Variants in SERINC2 observed in about 807,000 individuals in gnomAD.
SERINC2 encodes the protein serine incorporator 2, also known as tumor differentially expressed protein 2.
SERINC2 carries 56 observed loss-of-function variants against 54.2 expected under a neutral mutation model. That is an observed-to-expected ratio of 1.03 (90% confidence interval 0.83 to 1.29). SERINC2 has a LOEUF of 1.29. Ranked by LOEUF, SERINC2 falls within the 50% of genes most tolerant of loss-of-function variation. The pLI, the probability that SERINC2 is intolerant of heterozygous loss-of-function variation, is 0.00. For synonymous variants in SERINC2, 272 were observed against 253.1 expected, an observed-to-expected ratio of 1.07 and a Z score of -0.71; for missense variants, 614 against 607.4, an observed-to-expected ratio of 1.01 and a Z score of -0.12.
chr1:31,431,822 A>ATAGGGTGGATAGGATGGT (rs1557499924), intron 8 of SERINC2, among the ~76,000 whole-genome samples: 1 of 112,440 alleles, frequency 8.9e-6, no homozygotes. Context: ...GACAGGGTGG[A>ATAGGGTGGATAGGATGGT]TAGGGTGGAT....
chr1:31,424,788 G>T lies in SERINC2; in HGVS notation c.307G>T (p.Ala103Ser). Residue 103 changes from alanine to serine, a missense_variant, in exon 3 of 10, where the codon GCC (alanine) becomes TCC (serine). Physicochemically the swap from Ala to Ser is moderately conservative, Grantham distance 99. Transcript: ENST00000373709. ...CCGCGCTGTCTACCGCATGTGCTTC[G>T]CCACGGCGGCCTTCTTCTTCTTTTT... is the stretch of plus-strand genomic sequence containing the variant. Reference protein sequence around the residue: ...GYRAVYRMCFATAAFFFFFTL... With the variant: ...GYRAVYRMCFSTAAFFFFFTL... 3 of 1,612,076 alleles carry T rather than the reference G, an allele frequency of 1.9e-6. No homozygotes were observed. Among genetic ancestry groups the T allele is most frequent in the Non-Finnish European group, 2.5e-6 (3 of 1,179,418 alleles).
At chr1:31,414,737 A>G (rs1481973144) in intron 1 of SERINC2, 1 of 985,316 alleles carries the variant, frequency 1.0e-6, no homozygotes, top group Non-Finnish European at 1.2e-6. Flanking sequence ...TGAGGGAGGC[A>G]GAGCTTCCAC....
Position 31,424,699 on chromosome 1 carries a change from A to T in SERINC2, c.218A>T (p.Glu73Val). 1 of 1,601,190 alleles carries T rather than the reference A, an allele frequency of 6.2e-7. No homozygotes were observed. The highest frequency in any genetic ancestry group is 8.5e-7 in the Non-Finnish European group (1 of 1,174,076). Reference sequence around the variant, plus strand: ...TCTCCACAGCTGCCCTGGGTGTGTGAGGAGGGGGCCGGGATCCCCACCGTC... The same window carrying T: ...TCTCCACAGCTGCCCTGGGTGTGTGTGGAGGGGGCCGGGATCCCCACCGTC... ...SQLYKLPWVC[E>V]EGAGIPTVLQ... The change falls in exon 3 of 10, where the codon GAG becomes GTG. Residue 73 changes from glutamate to valine, a missense_variant. Transcript: ENST00000373709.
At chr1:31,433,302 G>A in intron 9 of SERINC2, 117 bp downstream of exon 9, 1 of 854,562 alleles carries the variant, frequency 1.2e-6, no homozygotes, top group Non-Finnish European at 1.9e-6. Context: ...GGGGGTGGCG[G>A]TGTGTATCAA....
Position 31,413,699 on chromosome 1 carries a change from G to T in SERINC2, c.39+395G>T. 3 of 1,203,132 alleles carry T rather than the reference G, an allele frequency of 2.5e-6. No individual in the cohort carries two copies. Among genetic ancestry groups the T allele is most frequent in the Non-Finnish European group, 2.1e-6 (2 of 944,710 alleles). The allele number at this position is 1,203,132 out of a possible 1,614,324, so 74.5% of individuals were successfully genotyped here. A position where few individuals can be genotyped will look rare whatever the true frequency, so the allele number is the denominator to read the frequency against. On this transcript the variant is annotated intron_variant, in intron 1 of 9. Transcript: ENST00000373709. This position sits in a 1 kb window ranked among gnomAD's most constrained non-coding sequence, Gnocchi z 5.0. ...CCTCTGTCCCCGTCCCGGACGCCCT[G>T]GTTCTCTGTGTAGGTCGCCCGGGCC...
At chr1:31,412,787 C>T (rs543465210), upstream of SERINC2, among the ~76,000 whole-genome samples, 1 of 152,324 alleles carries the variant, frequency 6.6e-6, no homozygotes, top group South Asian at 2.1e-4. Flanking sequence ...AACTGAGGCT[C>T]ATAGAGGTGC....
chr1:31,414,663 C>T (rs1369029721), intron 1 of SERINC2: 1 of 985,468 alleles, frequency 1.0e-6, no homozygotes, highest in African/African-American at 1.7e-5. Context: ...TGCCTGAAAT[C>T]CCTCCCAGCC....
At chr1:31,432,084 T>C (rs368382149) in intron 8 of SERINC2, among the ~76,000 whole-genome samples, 3,139 of 13,232 alleles carry the variant, frequency 0.24, 151 homozygotes, top group Admixed American at 0.28. Context: ...ACAGGGTGGT[T>C]AGGGTGGACA....
intron 1 of SERINC2, among the ~76,000 whole-genome samples, chr1:31,417,970 C>T (rs1390240978): frequency 3.4e-5 from 5 of 145,274 alleles, no homozygotes; most frequent in African/African-American, 1.3e-4. Context: ...AATTCTCTTG[C>T]CTCAGCCTCC....
At chr1:31,414,442 TGTGTGTGTGTGTGA>T in intron 1 of SERINC2, 1 of 981,442 alleles carries the variant, frequency 1.0e-6, no homozygotes, top group Non-Finnish European at 1.2e-6. Flanking sequence ...TGTGTGTGTG[TGTGTGTGTGTGTGA>T]GAGAGAGAGA....
chr1:31,417,832 G>C (rs1640815165), intron 1 of SERINC2, among the ~76,000 whole-genome samples: 1 of 146,332 alleles, frequency 6.8e-6, no homozygotes. Context: ...CCATGTTATA[G>C]CATGTGTCAA....
intron 9 of SERINC2, among the ~76,000 whole-genome samples, chr1:31,433,652 G>C (rs782229631): frequency 5.3e-5 from 8 of 152,178 alleles, no homozygotes; most frequent in Non-Finnish European, 1.2e-4. Flanking sequence ...ATAAAGCCAG[G>C]ATTGAAGTGG....
chr1:31,410,242 T>C (rs1640625071), upstream of SERINC2: 4 of 1,475,008 alleles, frequency 2.7e-6, no homozygotes, highest in East Asian at 2.5e-5. Flanking sequence ...TCTGGCCCCA[T>C]GCAGGAGGTT....
upstream of SERINC2, chr1:31,410,135 A>G: frequency 7.1e-7 from 1 of 1,415,604 alleles, no homozygotes; most frequent in South Asian, 1.6e-5. Context: ...CCTGAATTCC[A>G]ACCCTCCAGT....
intron 9 of SERINC2, among the ~76,000 whole-genome samples, 172 bp downstream of exon 9, chr1:31,433,357 A>G (rs552091030): frequency 1.3e-5 from 2 of 152,188 alleles, no homozygotes; most frequent in Admixed American, 6.5e-5. Context: ...AGTTTCCCCA[A>G]CAGTGCCTTC....
At chr1:31,425,259 A>C (rs1553133379) in intron 3 of SERINC2, 71 bp from the exon 4 acceptor site, 3 of 1,154,486 alleles carry the variant, frequency 2.6e-6, no homozygotes, top group African/African-American at 3.0e-5. Flanking sequence ...CTCTGGGGCC[A>C]GGCCCAGTCT....
intron 1 of SERINC2, among the ~76,000 whole-genome samples, chr1:31,423,462 A>C (rs531397018): frequency 1.9e-4 from 29 of 152,222 alleles, no homozygotes; most frequent in Non-Finnish European, 3.5e-4. Flanking sequence ...TTCAAGCCAC[A>C]GTATCACTGG....
At chr1:31,422,701 T>A (rs1217168266) in intron 1 of SERINC2, among the ~76,000 whole-genome samples, 2 of 152,032 alleles carry the variant, frequency 1.3e-5, no homozygotes, top group African/African-American at 4.8e-5. Context: ...GTAGGGGCTG[T>A]TTGGGGGAAG....
chr1:31,422,587 G>A (rs925690326), intron 1 of SERINC2, among the ~76,000 whole-genome samples: 1 of 152,140 alleles, frequency 6.6e-6, no homozygotes, highest in Admixed American at 6.5e-5. Context: ...CGCTTGTCAC[G>A]ATGTGAGTCA....
Sources: allele counts gnomAD v4.1 joint callset (sites outside exome capture counted in the v4.1 genomes callset), GRCh38; gene constraint gnomAD v4.1.1; non-coding constraint Gnocchi (gnomAD v3.1); transcripts MANE v1.5; gene names NCBI Gene and HGNC (gene_info 2026-07-23, HGNC 2026-07-21).